Variants in BCL2 observed in about 807,000 individuals in gnomAD.
The protein encoded by BCL2 is BCL2 apoptosis regulator, also known as apoptosis regulator Bcl-2.
A neutral mutation model predicts 14.2 loss-of-function variants in BCL2; 1 was observed. The ratio of observed to expected loss-of-function variants is 0.07; its 90% CI spans 0.02 to 0.33. The LOEUF (loss-of-function observed/expected upper bound fraction) is 0.33, where lower values mean the gene tolerates loss of function less well. BCL2 is among the 10% of genes least tolerant of loss of function. The pLI is 0.99. For synonymous variants in BCL2, 151 were observed against 137.2 expected (o/e 1.10, Z -0.70); for missense variants, 247 against 305.9 (o/e 0.81, Z 1.44).
intron 2 of BCL2, among the ~76,000 whole-genome samples, chr18:63,176,915 C>T (rs1599226379): frequency 7.3e-6 from 1 of 136,798 alleles, no homozygotes. Context: ...TGTTTTTCTT[C>T]TTTTCTTTTT....
intron 2 of BCL2, among the ~76,000 whole-genome samples, chr18:63,238,657 G>T (rs188503241): frequency 4.7e-4 from 71 of 152,356 alleles, no homozygotes; most frequent in African/African-American, 1.6e-3. Context: ...GGTGGGGCCT[G>T]AAGGAGTGTG....
intron 2 of BCL2, among the ~76,000 whole-genome samples, chr18:63,244,795 G>A (rs1011980083): frequency 3.3e-5 from 5 of 152,192 alleles, no homozygotes; most frequent in Admixed American, 2.6e-4. Flanking sequence ...TTCAGAGCCC[G>A]CTTTGGGCCT....
At chr18:63,132,916 G>A (rs1376114608) in intron 2 of BCL2, among the ~76,000 whole-genome samples, 5 of 152,238 alleles carry the variant, frequency 3.3e-5, no homozygotes, top group Non-Finnish European at 4.4e-5. Flanking sequence ...AGGAAGCTCT[G>A]TGTCCCTTGC....
At chr18:63,213,547 A>T (rs34831717) in intron 2 of BCL2, among the ~76,000 whole-genome samples, 2 of 146,240 alleles carry the variant, frequency 1.4e-5, no homozygotes, top group African/African-American at 5.1e-5. Flanking sequence ...CACACACATA[A>T]ACACACACAC....
chr18:63,284,800 T>C (rs1286891899), intron 2 of BCL2, among the ~76,000 whole-genome samples: 1 of 149,692 alleles, frequency 6.7e-6, no homozygotes, highest in South Asian at 2.2e-4. Context: ...GGGTGGGGGG[T>C]TTGGACGGAG....
intron 2 of BCL2, among the ~76,000 whole-genome samples, chr18:63,287,671 T>A (rs1845812911): frequency 6.6e-6 from 1 of 152,102 alleles, no homozygotes; most frequent in Non-Finnish European, 1.5e-5. Context: ...ATTTTTGAAA[T>A]GACAGGAAGA....
intron 2 of BCL2, among the ~76,000 whole-genome samples, chr18:63,278,787 C>T (rs1029877196): frequency 6.6e-6 from 1 of 152,048 alleles, no homozygotes; most frequent in African/African-American, 2.4e-5. Flanking sequence ...TTAACAATAC[C>T]AAGACTTATA....
intron 2 of BCL2, among the ~76,000 whole-genome samples, chr18:63,226,427 C>T (rs1171252964): frequency 6.6e-6 from 1 of 152,160 alleles, no homozygotes; most frequent in African/African-American, 2.4e-5. Flanking sequence ...TTCCCTGTCT[C>T]CTGTCCCTAT....
rs1913595401 is a variant in BCL2, at chr18:63,318,746, G to A, written c.-80C>T. ...CCCCACGGCCCCCAGAGAAAGAAGA[G>A]GAGTTATAATCCAGCTATTTTATTG... On this transcript the variant is annotated 5_prime_UTR_variant, in exon 2 of 3. Coordinates refer to ENST00000333681, the MANE Select transcript of BCL2 (RefSeq NM_000633.3). The surrounding 1 kb of genome is among the most constrained non-coding windows in gnomAD (Gnocchi z 7.4). 2 of 1,588,622 alleles carry A rather than the reference G, an allele frequency of 1.3e-6. No individual in the cohort carries two copies. Among genetic ancestry groups the A allele is most frequent in the Admixed American group, 1.8e-5 (1 of 56,222 alleles).
intron 2 of BCL2, among the ~76,000 whole-genome samples, chr18:63,145,361 C>T (rs12454460): frequency 0.13 from 16,101 of 124,262 alleles, 1,290 homozygotes; most frequent in East Asian, 0.38. Context: ...AGGGGGCTTC[C>T]CTGGCCACTC....
intron 2 of BCL2, among the ~76,000 whole-genome samples, chr18:63,313,495 TA>T (rs35032484): frequency 6.6e-6 from 1 of 152,222 alleles, no homozygotes; most frequent in African/African-American, 2.4e-5. Flanking sequence ...TAGATTACCT[TA>T]AAAAGGTTGA....
intron 2 of BCL2, chr18:63,302,628 G>A: frequency 1.0e-6 from 1 of 984,988 alleles, no homozygotes; most frequent in Non-Finnish European, 1.2e-6. Context: ...GACTTATTCT[G>A]CACATGAATT....
rs1913883933 is a variant in BCL2 at position 63,125,370 on chromosome 18, G to T, written c.*3255C>A. The stretch of plus-strand genomic sequence containing the variant: ...CCAAATCTTCGGAGACGACCCGATG[G>T]CCATAGACCCTGTCAGCTGTCATTC... On this transcript the variant is annotated 3_prime_UTR_variant, in exon 3 of 3. Coordinates refer to ENST00000333681, the MANE Select transcript of BCL2 (RefSeq NM_000633.3). 1 of 224,580 alleles carries T rather than the reference G, an allele frequency of 4.5e-6. No homozygotes were observed. Among genetic ancestry groups the T allele is most frequent in the Non-Finnish European group, 8.9e-6 (1 of 112,416 alleles). 13.9% of individuals were successfully genotyped at this position (224,580 alleles called of 1,614,324 possible).
chr18:63,233,316 A>C (rs1910736778), intron 2 of BCL2, among the ~76,000 whole-genome samples: 1 of 152,242 alleles, frequency 6.6e-6, no homozygotes, highest in African/African-American at 2.4e-5. Context: ...AAATCTCAGA[A>C]ACATAACTTC....
intron 2 of BCL2, among the ~76,000 whole-genome samples, chr18:63,198,367 C>T (rs1909517637): frequency 6.9e-6 from 1 of 145,102 alleles, no homozygotes; most frequent in African/African-American, 2.6e-5. Context: ...CAGACACACA[C>T]TGACATAGAC....
At chr18:63,140,565 T>C (rs1206715431) in intron 2 of BCL2, among the ~76,000 whole-genome samples, 1 of 152,214 alleles carries the variant, frequency 6.6e-6, no homozygotes, top group African/African-American at 2.4e-5. Flanking sequence ...CCACTGTCTA[T>C]GAGTCCATTG....
chr18:63,244,113 C>T (rs1330295911), intron 2 of BCL2, among the ~76,000 whole-genome samples: 1 of 152,154 alleles, frequency 6.6e-6, no homozygotes, highest in Non-Finnish European at 1.5e-5. Context: ...GGCACAGTGG[C>T]TCATGCTTGT....
intron 2 of BCL2, among the ~76,000 whole-genome samples, chr18:63,166,865 C>G (rs114198109): frequency 0.017 from 2,578 of 152,312 alleles, 74 homozygotes; most frequent in African/African-American, 0.059. Flanking sequence ...ACTTCCCTCC[C>G]CTCCTTCTTT....
chr18:63,187,726 A>G (rs1406792587), intron 2 of BCL2, among the ~76,000 whole-genome samples: 4 of 152,262 alleles, frequency 2.6e-5, no homozygotes, highest in African/African-American at 9.6e-5. Context: ...TTACCTCTAC[A>G]TGGCCACCCT....
Sources: allele counts gnomAD v4.1 joint callset (sites outside exome capture counted in the v4.1 genomes callset), GRCh38; gene constraint gnomAD v4.1.1; non-coding constraint Gnocchi (gnomAD v3.1); transcripts MANE v1.5; gene names NCBI Gene and HGNC (gene_info 2026-07-23, HGNC 2026-07-21).